DGKI: variants seen among roughly 807,000 people sequenced by gnomAD.
The protein encoded by DGKI is DAG kinase iota.
Under a neutral mutation model 147.5 loss-of-function variants are expected in DGKI, and 55 were observed. That is an observed-to-expected ratio of 0.37 (90% CI 0.30 to 0.47). DGKI has a LOEUF of 0.47. Ranked by LOEUF, DGKI falls within the 20% of genes least tolerant of loss-of-function variation. The pLI, the probability that DGKI is intolerant of heterozygous loss-of-function variation, is 1.00. For missense variants in DGKI, 1,007 were observed against 1,323.8 expected, an observed-to-expected ratio of 0.76 and a Z score of 3.71; for synonymous variants, 469 against 477.1, an observed-to-expected ratio of 0.98 and a Z score of 0.22.
chr7:137,515,996 C>A (rs1816732815), intron 21 of DGKI, among the ~76,000 whole-genome samples: 1 of 152,030 alleles, frequency 6.6e-6, no homozygotes, highest in African/African-American at 2.4e-5. Flanking sequence ...CTTCAGAGGA[C>A]AAATTGACAT....
intron 3 of DGKI, among the ~76,000 whole-genome samples, chr7:137,664,115 G>A (rs546990557): frequency 3.9e-5 from 6 of 152,212 alleles, no homozygotes; most frequent in South Asian, 4.2e-4. Context: ...AGTGATTCAC[G>A]CCTGTAATCC....
Position 137,391,151 on chromosome 7 carries a change from G to T in DGKI, c.*69C>A. On this transcript the variant is annotated 3_prime_UTR_variant, in exon 33 of 33. Coordinates refer to ENST00000614521, the MANE Select transcript of DGKI (RefSeq NM_001321708.2). The stretch of plus-strand genomic sequence containing the variant: ...TGAATTCCATCAGCTTCTTCCAGGG[G>T]AGCTGCCCAATTGCAGGGAGGGCAG... 8.8e-7 allele frequency: 1 copy of T among 1,140,792 alleles called. No individual in the cohort carries two copies. Among genetic ancestry groups the T allele is most frequent in the Non-Finnish European group, 1.3e-6 (1 of 750,230 alleles). 70.7% of individuals were successfully genotyped at this position (1,140,792 alleles called of 1,614,324 possible). A position where few individuals can be genotyped will look rare whatever the true frequency, so the allele number is the denominator to read the frequency against.
intron 1 of DGKI, among the ~76,000 whole-genome samples, chr7:137,821,932 C>T (rs1797915080): frequency 6.6e-6 from 1 of 152,092 alleles, no homozygotes; most frequent in South Asian, 2.1e-4. Context: ...TAATTAGACC[C>T]CCATTCTGAG....
chr7:137,796,213 T>C (rs1563201637), intron 1 of DGKI, among the ~76,000 whole-genome samples: 3 of 152,198 alleles, frequency 2.0e-5, no homozygotes, highest in South Asian at 4.1e-4. Context: ...TAAAAAGCTT[T>C]AAGGCCAGGC....
In DGKI at chr7:137,390,074, A is replaced by G. The variant is rs2128891655; in HGVS notation, c.*1146T>C. 1 of 152,146 alleles carries G rather than the reference A, an allele frequency of 6.6e-6. No homozygotes were observed. Among genetic ancestry groups the G allele is most frequent in the Non-Finnish European group, 1.5e-5 (1 of 67,974 alleles). The allele number at this position is 152,146 out of a possible 1,614,324, so 9.4% of individuals were successfully genotyped here. Reference sequence around the variant, plus strand: ...AAAGACCTAAAATGGGGCTCCTCTCACCACTGTATCCAACAGTCTATAGTT... The same window carrying G: ...AAAGACCTAAAATGGGGCTCCTCTCGCCACTGTATCCAACAGTCTATAGTT... On this transcript the variant is annotated 3_prime_UTR_variant, in exon 33 of 33. Coordinates refer to ENST00000614521, the MANE Select transcript of DGKI (RefSeq NM_001321708.2).
At chr7:137,641,632 C>T (rs7797692) in intron 6 of DGKI, among the ~76,000 whole-genome samples, 12,065 of 152,150 alleles carry the variant, frequency 0.079, 1,535 homozygotes, top group African/African-American at 0.27. Context: ...CTTATGTATA[C>T]GCAAATGTTC....
chr7:137,575,486 A>G (rs6949568), intron 17 of DGKI, among the ~76,000 whole-genome samples: 8,906 of 152,202 alleles, frequency 0.059, 647 homozygotes, highest in African/African-American at 0.17. Flanking sequence ...CTGCCATTCT[A>G]TATGGCCACC....
At chr7:137,448,300 C>CA (rs35613517) in intron 27 of DGKI, among the ~76,000 whole-genome samples, 2,832 of 79,888 alleles carry the variant, frequency 0.035, 110 homozygotes, top group African/African-American at 0.1. Flanking sequence ...ACTAGAAGCT[C>CA]AAAAAAAAAA....
chr7:137,844,814 G>A (rs948209224), intron 1 of DGKI, among the ~76,000 whole-genome samples: 2 of 152,146 alleles, frequency 1.3e-5, no homozygotes, highest in African/African-American at 4.8e-5. Context: ...GCAAACTCTG[G>A]CTTTGTCTTC....
intron 21 of DGKI, among the ~76,000 whole-genome samples, chr7:137,511,968 C>T (rs184632058): frequency 2.6e-5 from 4 of 152,310 alleles, no homozygotes; most frequent in African/African-American, 9.6e-5. Flanking sequence ...TCAGTTGTGA[C>T]TACAGCAAAG....
intron 3 of DGKI, among the ~76,000 whole-genome samples, chr7:137,673,809 T>C (rs1056505120): frequency 6.6e-6 from 1 of 152,204 alleles, no homozygotes. Context: ...GGATTACTAC[T>C]GGAGGGGTGA....
intron 1 of DGKI, among the ~76,000 whole-genome samples, chr7:137,817,923 G>T (rs1797786642): frequency 6.6e-6 from 1 of 152,196 alleles, no homozygotes; most frequent in Admixed American, 6.5e-5. Flanking sequence ...CTATGTACTA[G>T]TACGAACTTA....
At position 137,381,364 on chromosome 7, in the gene DGKI, C is replaced by G. The variant is rs1213448177; in HGVS notation, c.*9856G>C. ...CTTTACCTGGAAATAAAACTTTAAT[C>G]TTTCTACTGCCACAGCTGCTACTTG... On this transcript the variant is annotated 3_prime_UTR_variant, in exon 33 of 33. Transcript: ENST00000614521. 3.0e-5 allele frequency: 4 copies of G among 132,612 alleles called. No homozygotes were observed. Among genetic ancestry groups the G allele is most frequent in the Non-Finnish European group, 6.2e-5 (4 of 64,816 alleles). 8.2% of individuals were successfully genotyped at this position (132,612 alleles called of 1,614,324 possible).
chr7:137,537,193 G>C (rs1461839159), intron 20 of DGKI, among the ~76,000 whole-genome samples: 1 of 152,158 alleles, frequency 6.6e-6, no homozygotes, highest in Non-Finnish European at 1.5e-5. Flanking sequence ...AGCCAAGGGA[G>C]AGAGAGGAAG....
At chr7:137,741,279 T>C (rs955099696) in intron 1 of DGKI, among the ~76,000 whole-genome samples, 2 of 152,238 alleles carry the variant, frequency 1.3e-5, no homozygotes, top group Non-Finnish European at 2.9e-5. Flanking sequence ...CTTCCGTACA[T>C]AAACATCAGA....
At chr7:137,458,911 AT>A (rs1259663808) in intron 27 of DGKI, among the ~76,000 whole-genome samples, 21 of 152,320 alleles carry the variant, frequency 1.4e-4, no homozygotes, top group African/African-American at 3.6e-4. Flanking sequence ...AGAAAAAATC[AT>A]TATGGTCCCA....
chr7:137,487,535 C>T (rs1455979356), intron 22 of DGKI, 75 bp downstream of exon 22: 1 of 1,321,546 alleles, frequency 7.6e-7, no homozygotes. Context: ...ATTTCAGAAG[C>T]AAATATATAT....
chr7:137,696,880 C>T (rs1362107727), intron 1 of DGKI, among the ~76,000 whole-genome samples: 2 of 152,060 alleles, frequency 1.3e-5, no homozygotes, highest in Admixed American at 6.6e-5. Context: ...AGGCCCCTAA[C>T]CTAATATGAC....
chr7:137,639,628 G>C (rs1821550017), intron 6 of DGKI, among the ~76,000 whole-genome samples: 1 of 152,118 alleles, frequency 6.6e-6, no homozygotes, highest in Non-Finnish European at 1.5e-5. Flanking sequence ...AGGCCCAACA[G>C]CAGCAGCCAG....
Sources: gnomAD v4.1 joint callset for allele counts (sites outside exome capture counted in the v4.1 genomes callset) on GRCh38, gnomAD v4.1.1 for gene constraint, MANE v1.5 for transcripts, NCBI Gene and HGNC (gene_info 2026-07-23, HGNC 2026-07-21) for gene names.